The following OR2L13 variants were observed in gnomAD, a reference collection of about 807,000 sequenced individuals.
The protein encoded by OR2L13 is olfactory receptor 2L13.
A neutral mutation model predicts 15.3 loss-of-function variants in OR2L13; 14 were observed. The observed-to-expected ratio is 0.91, with a 90% CI of 0.60 to 1.43. OR2L13 has a LOEUF of 1.43. Ranked by LOEUF, OR2L13 falls within the 40% of genes most tolerant of loss-of-function variation. The pLI is 0.00. For missense variants in OR2L13, 367 were observed against 387.9 expected (o/e 0.95, Z 0.45); for synonymous variants, 152 against 142.9 (o/e 1.06, Z -0.45).
At chr1:247,977,497 G>A in the OR2L13 span, among the ~76,000 whole-genome samples, 11 of 152,108 alleles carry the variant, frequency 7.2e-5, no homozygotes, top group Non-Finnish European at 1.3e-4. Flanking sequence ...CCGTCTTACT[G>A]TGTTGCCAAG....
the OR2L13 span, among the ~76,000 whole-genome samples, chr1:248,081,111 G>T: frequency 1.3e-5 from 2 of 152,080 alleles, no homozygotes; most frequent in African/African-American, 4.8e-5. Flanking sequence ...GTGTCTGAAA[G>T]CTAACCCACC....
At chr1:248,012,515 A>T in the OR2L13 span, among the ~76,000 whole-genome samples, 1 of 152,122 alleles carries the variant, frequency 6.6e-6, no homozygotes, top group Non-Finnish European at 1.5e-5. Flanking sequence ...TTCCCTCCTC[A>T]TTCAGCACAA....
At chr1:248,039,952 T>C in the OR2L13 span, 2 of 152,238 alleles carry the variant, frequency 1.3e-5, no homozygotes, top group African/African-American at 4.8e-5. Context: ...AGAAGTTCTA[T>C]AGAAGTTACA....
chr1:247,984,154 G>C, the OR2L13 span, among the ~76,000 whole-genome samples: 1 of 152,052 alleles, frequency 6.6e-6, no homozygotes, highest in Non-Finnish European at 1.5e-5. Context: ...GAACGCGTCT[G>C]GTGGAGACAG....
the OR2L13 span, chr1:248,003,974 C>G: frequency 6.2e-7 from 1 of 1,613,998 alleles, no homozygotes; most frequent in Non-Finnish European, 8.5e-7. Flanking sequence ...CACCCTCACC[C>G]CAATGCTCAA....
chr1:247,990,977 A>G, the OR2L13 span: 33 of 1,500,650 alleles, frequency 2.2e-5, no homozygotes, highest in South Asian at 3.0e-4. Flanking sequence ...AAGAAGGCCT[A>G]TTCGACCTGC....
the OR2L13 span, among the ~76,000 whole-genome samples, chr1:247,961,672 A>G: frequency 6.6e-6 from 1 of 152,220 alleles, no homozygotes; most frequent in Admixed American, 6.5e-5. Context: ...CAGAGAAAGA[A>G]GCCATGTCTG....
the OR2L13 span, chr1:248,013,850 G>C: frequency 7.2e-4 from 110 of 152,256 alleles, no homozygotes; most frequent in African/African-American, 2.6e-3. Flanking sequence ...TTGAGCACTA[G>C]TAATTGTACT....
the OR2L13 span, among the ~76,000 whole-genome samples, chr1:248,057,303 A>C: frequency 6.6e-6 from 1 of 152,148 alleles, no homozygotes; most frequent in African/African-American, 2.4e-5. Flanking sequence ...AACTTGTTTT[A>C]TGAATCTGGA....
the OR2L13 span, among the ~76,000 whole-genome samples, chr1:247,939,827 G>A: frequency 5.8e-4 from 88 of 152,042 alleles, no homozygotes; most frequent in African/African-American, 2.1e-3. Flanking sequence ...TTCCTCTTGT[G>A]GGTACCGATT....
At chr1:248,040,954 T>G in the OR2L13 span, 1 of 152,222 alleles carries the variant, frequency 6.6e-6, no homozygotes, top group Admixed American at 6.5e-5. Context: ...ACTAGAGTAC[T>G]GAATAATTTA....
upstream of OR2L13, among the ~76,000 whole-genome samples, chr1:248,096,079 C>A (rs1395373358): frequency 1.3e-5 from 2 of 151,738 alleles, no homozygotes; most frequent in African/African-American, 4.8e-5. Context: ...AGTTCCATAA[C>A]AAATTGAAAA....
At chr1:248,019,742 CCTT>C in the OR2L13 span, among the ~76,000 whole-genome samples, 2 of 150,880 alleles carry the variant, frequency 1.3e-5, no homozygotes, top group African/African-American at 2.5e-5. Context: ...CCTTCCTTCT[CCTT>C]CTCCTTCTCC....
the OR2L13 span, chr1:248,038,153 C>T: frequency 2.8e-6 from 2 of 722,070 alleles, no homozygotes; most frequent in Non-Finnish European, 4.8e-6. Context: ...CAGTATCAAC[C>T]CCAGTTTCAG....
chr1:247,967,664 T>C, the OR2L13 span, among the ~76,000 whole-genome samples: 4 of 152,184 alleles, frequency 2.6e-5, no homozygotes, highest in Non-Finnish European at 5.9e-5. Context: ...ATACCAGCTT[T>C]TGATTTCTAT....
the OR2L13 span, among the ~76,000 whole-genome samples, chr1:247,974,437 A>G: frequency 6.6e-6 from 1 of 152,178 alleles, no homozygotes; most frequent in East Asian, 1.9e-4. Context: ...TATTAAAAAA[A>G]AAAGTTATTT....
chr1:247,990,156 A>G, the OR2L13 span: 2 of 523,646 alleles, frequency 3.8e-6, no homozygotes, highest in African/African-American at 1.9e-5. Context: ...GTAAACCCCA[A>G]TTTCAGGCAT....
the OR2L13 span, chr1:248,047,001 G>T: frequency 6.6e-6 from 1 of 152,178 alleles, no homozygotes; most frequent in Non-Finnish European, 1.5e-5. Context: ...ACTAATAACT[G>T]TACTTTCTAT....
the OR2L13 span, among the ~76,000 whole-genome samples, chr1:248,067,275 CT>C: frequency 5.9e-5 from 9 of 152,242 alleles, no homozygotes; most frequent in South Asian, 8.3e-4. Context: ...ACTGAAACAC[CT>C]TTTCAGCCCC....
Sources: allele counts gnomAD v4.1 joint callset (sites outside exome capture counted in the v4.1 genomes callset), GRCh38; gene constraint gnomAD v4.1.1; transcripts MANE v1.5; gene names NCBI Gene and HGNC (gene_info 2026-07-23, HGNC 2026-07-21).